Variants in SLC35F4 observed in about 807,000 individuals in gnomAD.
SLC35F4 encodes chromosome 14 open reading frame 36.
A neutral mutation model predicts 44.2 loss-of-function variants in SLC35F4; 24 were observed. The observed-to-expected ratio is 0.54, with a 90% confidence interval of 0.39 to 0.76. SLC35F4 has a LOEUF of 0.76. Among genes scored for constraint, SLC35F4 ranks in the 30% least tolerant of loss-of-function variants. The pLI, the probability that SLC35F4 is intolerant of heterozygous loss-of-function variation, is 0.00. For synonymous variants in SLC35F4, 238 were observed against 223.6 expected, an observed-to-expected ratio of 1.06 and a Z score of -0.57; for missense variants, 562 against 586.1, an observed-to-expected ratio of 0.96 and a Z score of 0.42.
At chr14:57,767,947 C>T (rs2077273072) in intron 1 of SLC35F4, among the ~76,000 whole-genome samples, 1 of 152,112 alleles carries the variant, frequency 6.6e-6, no homozygotes, top group South Asian at 2.1e-4. Flanking sequence ...TTTTACAACT[C>T]TATCAAGGTG....
chr14:57,577,663 C>CT (rs547716979), intron 4 of SLC35F4, among the ~76,000 whole-genome samples: 19,117 of 129,476 alleles, frequency 0.15, 1,387 homozygotes, highest in Non-Finnish European at 0.18. Flanking sequence ...TGGGAAGAAC[C>CT]TTTTTTTAAA....
chr14:57,679,845 C>T (rs536108439), intron 1 of SLC35F4, among the ~76,000 whole-genome samples: 11 of 152,006 alleles, frequency 7.2e-5, no homozygotes, highest in East Asian at 1.9e-4. Flanking sequence ...ATCCCTGAAT[C>T]GACCAATAAC....
intron 1 of SLC35F4, among the ~76,000 whole-genome samples, chr14:57,977,115 G>C (rs781193878): frequency 1.3e-5 from 2 of 152,118 alleles, no homozygotes; most frequent in Non-Finnish European, 2.9e-5. Flanking sequence ...CCTACCTAAA[G>C]TGAAGGAAAA....
chr14:57,694,403 C>T (rs955703149), intron 1 of SLC35F4, among the ~76,000 whole-genome samples: 5 of 152,020 alleles, frequency 3.3e-5, no homozygotes, highest in African/African-American at 1.2e-4. Flanking sequence ...TTTTTGTGTG[C>T]CTTGCTTTTT....
At chr14:57,694,898 T>C (rs2075337184) in intron 1 of SLC35F4, among the ~76,000 whole-genome samples, 1 of 152,200 alleles carries the variant, frequency 6.6e-6, no homozygotes, top group African/African-American at 2.4e-5. Context: ...TGATAAATTC[T>C]CATATTAATT....
intron 1 of SLC35F4, among the ~76,000 whole-genome samples, chr14:57,791,208 T>C (rs967076433): frequency 3.3e-5 from 5 of 152,086 alleles, no homozygotes; most frequent in Admixed American, 6.6e-5. Flanking sequence ...ATCTACAGAA[T>C]GGGAGAGAAA....
chr14:57,912,401 ATTTCCCTTTAGAAACTACT>A (rs1352531622), intron 1 of SLC35F4, among the ~76,000 whole-genome samples: 5 of 139,234 alleles, frequency 3.6e-5, no homozygotes, highest in Non-Finnish European at 5.9e-5. Context: ...AAAGCAACAA[ATTTCCCTTTAGAAACTACT>A]TTTATGCCAC....
chr14:57,563,941 TA>T lies in SLC35F4; in HGVS notation c.*193del, dbSNP rs1248375219. The T allele has an allele frequency of 2.7e-5, 17 of 621,562 alleles. No homozygotes were observed. The highest frequency in any genetic ancestry group is 8.5e-5 in the South Asian group (3 of 35,274). 38.5% of individuals were successfully genotyped at this position (621,562 alleles called of 1,614,324 possible). On this transcript the variant is annotated 3_prime_UTR_variant, in exon 8 of 8. Transcript: ENST00000556826. ...CAGAACAAGGACAAATGTGTTTTAA[TA>T]AAAAAATCCATTATGATTATTTACA...
chr14:57,661,398 T>G lies in SLC35F4; in HGVS notation c.104-67274A>C, dbSNP rs117208211. Among the ~76,000 whole-genome samples, 39 of 152,260 alleles carry G rather than the reference T, an allele frequency of 2.6e-4. No homozygotes were observed. The East Asian group carries it at 6.4e-3, about 25-fold the overall frequency. Reference sequence around the variant, plus strand: ...CGGATCATGCTCTCAAGCTTTAGAGTTCTCAGCACATATTTATCTGAATAT... The same window carrying G: ...CGGATCATGCTCTCAAGCTTTAGAGGTCTCAGCACATATTTATCTGAATAT... On this transcript the variant is annotated intron_variant, in intron 1 of 7. Coordinates refer to ENST00000556826, the MANE Select transcript of SLC35F4 (RefSeq NM_001306087.2).
intron 1 of SLC35F4, among the ~76,000 whole-genome samples, chr14:57,948,704 C>T (rs1890080566): frequency 1.3e-5 from 2 of 152,056 alleles, no homozygotes; most frequent in Admixed American, 6.6e-5. Context: ...ACCACTTTTG[C>T]TGTATCCGAG....
intron 1 of SLC35F4, among the ~76,000 whole-genome samples, chr14:57,670,682 G>A (rs1351965501): frequency 6.6e-6 from 1 of 151,948 alleles, no homozygotes; most frequent in African/African-American, 2.4e-5. Context: ...TGATTGCACT[G>A]TGGTCTGAGA....
At chr14:57,617,164 T>C (rs2071884339) in intron 1 of SLC35F4, among the ~76,000 whole-genome samples, 2 of 117,584 alleles carry the variant, frequency 1.7e-5, no homozygotes, top group South Asian at 5.5e-4. Context: ...AGAGTCTCGC[T>C]CTGTCGCCCA....
intron 1 of SLC35F4, among the ~76,000 whole-genome samples, chr14:57,641,677 T>G (rs749200797): frequency 3.3e-5 from 5 of 152,024 alleles, no homozygotes; most frequent in African/African-American, 7.2e-5. Context: ...TGATTTAATT[T>G]AGAGTAAAAG....
At chr14:57,800,817 GA>G (rs1188223657) in intron 1 of SLC35F4, among the ~76,000 whole-genome samples, 3 of 152,032 alleles carry the variant, frequency 2.0e-5, no homozygotes, top group African/African-American at 4.8e-5. Context: ...CAAGAATAGA[GA>G]AAAAAGAATG....
chr14:57,888,366 C>A (rs1318705431), intron 1 of SLC35F4, among the ~76,000 whole-genome samples: 1 of 152,318 alleles, frequency 6.6e-6, no homozygotes, highest in East Asian at 1.9e-4. Flanking sequence ...CTGAAATCCC[C>A]TTCCATGTTG....
chr14:57,923,408 G>A (rs1203623947), intron 1 of SLC35F4, among the ~76,000 whole-genome samples: 1 of 152,202 alleles, frequency 6.6e-6, no homozygotes, highest in Non-Finnish European at 1.5e-5. Flanking sequence ...CCACCCAGGT[G>A]AACTGATCCT....
intron 1 of SLC35F4, among the ~76,000 whole-genome samples, chr14:57,614,864 T>A (rs879573923): frequency 1.3e-5 from 2 of 152,298 alleles, no homozygotes; most frequent in East Asian, 3.9e-4. Flanking sequence ...TAAGACAACA[T>A]GTAGGGAGAA....
At chr14:57,930,423 C>T (rs1021437271) in intron 1 of SLC35F4, among the ~76,000 whole-genome samples, 3 of 152,138 alleles carry the variant, frequency 2.0e-5, no homozygotes, top group African/African-American at 7.2e-5. Context: ...GTGCCAGTTG[C>T]TCATTGTCTC....
chr14:57,873,609 T>A (rs1279344067), intron 1 of SLC35F4, among the ~76,000 whole-genome samples: 4 of 152,188 alleles, frequency 2.6e-5, no homozygotes, highest in Non-Finnish European at 5.9e-5. Flanking sequence ...TACATATTTT[T>A]TAATGCAGGG....
Sources: gnomAD v4.1 joint callset for allele counts (sites outside exome capture counted in the v4.1 genomes callset) on GRCh38, gnomAD v4.1.1 for gene constraint, MANE v1.5 for transcripts, NCBI Gene and HGNC (gene_info 2026-07-23, HGNC 2026-07-21) for gene names.